ZNF136: variants seen among roughly 807,000 people sequenced by gnomAD.
ZNF136 encodes zinc finger protein 136 (clone pHZ-20).
Under a neutral mutation model 11.4 loss-of-function variants are expected in ZNF136, and 8 were observed. The ratio of observed to expected loss-of-function variants is 0.70; its 90% CI spans 0.41 to 1.27. The LOEUF (loss-of-function observed/expected upper bound fraction) is 1.27, where lower values mean the gene tolerates loss of function less well. ZNF136 is among the 50% of genes most tolerant of loss of function. The pLI is 0.01. For missense variants in ZNF136, 590 were observed against 656.5 expected (o/e 0.90, Z 1.11); for synonymous variants, 190 against 207.1 (o/e 0.92, Z 0.71).
At chr19:12,176,068 T>C (rs1272866970) in intron 1 of ZNF136, among the ~76,000 whole-genome samples, 3 of 152,222 alleles carry the variant, frequency 2.0e-5, no homozygotes, top group African/African-American at 7.2e-5. Context: ...TATCCATTTG[T>C]CTACTGTAAG....
intron 1 of ZNF136, among the ~76,000 whole-genome samples, chr19:12,175,116 A>G (rs1010585218): frequency 2.6e-5 from 4 of 151,906 alleles, no homozygotes; most frequent in Admixed American, 6.6e-5. Flanking sequence ...TTTGGTTTCT[A>G]TGGTCTGCCT....
intron 1 of ZNF136, among the ~76,000 whole-genome samples, chr19:12,168,316 T>C (rs1914542148): frequency 6.6e-6 from 1 of 151,818 alleles, no homozygotes; most frequent in Non-Finnish European, 1.5e-5. Context: ...TCAGGTGATC[T>C]GCCTACCTCA....
At chr19:12,170,809 AC>A (rs1462527116) in intron 1 of ZNF136, among the ~76,000 whole-genome samples, 1 of 151,312 alleles carries the variant, frequency 6.6e-6, no homozygotes, top group Non-Finnish European at 1.5e-5. Context: ...AGCTGGGATT[AC>A]AGTCACATGC....
At chr19:12,186,433 A>T in intron 3 of ZNF136, 137 bp from the exon 4 acceptor site, 2 of 842,606 alleles carry the variant, frequency 2.4e-6, no homozygotes, top group Non-Finnish European at 3.6e-6. Context: ...CAGAGCATTG[A>T]ATTCATTCAT....
chr19:12,174,013 C>T (rs964973323), intron 1 of ZNF136, among the ~76,000 whole-genome samples: 4 of 152,080 alleles, frequency 2.6e-5, no homozygotes, highest in Non-Finnish European at 4.4e-5. Flanking sequence ...TCAGGTGATT[C>T]TCCTGCCTCA....
chr19:12,172,962 A>C (rs2145631571), intron 1 of ZNF136, among the ~76,000 whole-genome samples: 1 of 152,196 alleles, frequency 6.6e-6, no homozygotes, highest in East Asian at 1.9e-4. Context: ...CAGTGAGCCG[A>C]GATTGCGTCA....
chr19:12,181,823 G>C (rs539267663), intron 1 of ZNF136, among the ~76,000 whole-genome samples: 1 of 152,276 alleles, frequency 6.6e-6, no homozygotes, highest in East Asian at 1.9e-4. Context: ...TTTTAGTAGA[G>C]ACAGGGTTTC....
intron 1 of ZNF136, among the ~76,000 whole-genome samples, chr19:12,180,944 G>A (rs575179175): frequency 1.3e-4 from 20 of 152,340 alleles, no homozygotes; most frequent in African/African-American, 4.1e-4. Flanking sequence ...CCACAGGGGC[G>A]GAGCCTGAAG....
intron 1 of ZNF136, among the ~76,000 whole-genome samples, chr19:12,173,694 A>G (rs572625566): frequency 3.9e-5 from 6 of 152,114 alleles, no homozygotes; most frequent in Non-Finnish European, 8.8e-5. Flanking sequence ...AATTGAGCCA[A>G]AAAAGGGTGT....
intron 1 of ZNF136, among the ~76,000 whole-genome samples, chr19:12,178,576 A>G (rs143933253): frequency 8.7e-4 from 132 of 152,378 alleles, no homozygotes; most frequent in African/African-American, 3.0e-3. Flanking sequence ...AACAGCATGT[A>G]TGCTAACAAA....
In ZNF136 at chr19:12,187,483, T is replaced by G. The variant is rs1266887431; in HGVS notation, c.1105T>G (p.Cys369Gly). The change falls in exon 4 of 4, where the codon TGT (cysteine) becomes GGT (glycine). Residue 369 changes from cysteine (C) to glycine (G), a missense_variant. By Grantham distance (159) the Cys-to-Gly change is radical. Transcript: ENST00000343979. ...TGEKPYECKECGEAFSCIPSM... is the reference protein window; with the variant it reads ...TGEKPYECKEGGEAFSCIPSM... ...AGAAAAACCTTATGAATGTAAGGAA[T>G]GTGGGGAAGCATTCAGTTGTATCCC... 13 of 1,613,668 alleles carry G rather than the reference T, an allele frequency of 8.1e-6. No homozygotes were observed. The highest frequency in any genetic ancestry group is 1.1e-5 in the Non-Finnish European group (13 of 1,179,952).
chr19:12,167,545 G>A (rs888056356), intron 1 of ZNF136, among the ~76,000 whole-genome samples: 2 of 152,176 alleles, frequency 1.3e-5, no homozygotes, highest in Non-Finnish European at 2.9e-5. Context: ...AGGCAACATT[G>A]CCAGACTTTG....
At chr19:12,185,640 G>T (rs1376799062) in intron 1 of ZNF136, 145 bp from the exon 2 acceptor site, 2 of 997,382 alleles carry the variant, frequency 2.0e-6, no homozygotes, top group East Asian at 5.4e-5. Context: ...GAGTTGCTGT[G>T]TGGAAGGAAG....
chr19:12,171,133 C>A (rs1340203503), intron 1 of ZNF136, among the ~76,000 whole-genome samples: 2 of 152,024 alleles, frequency 1.3e-5, no homozygotes, highest in African/African-American at 2.4e-5. Flanking sequence ...CTGCGCCAGG[C>A]CCCACCCAGC....
chr19:12,177,185 T>A (rs1914817962), intron 1 of ZNF136, among the ~76,000 whole-genome samples: 1 of 152,220 alleles, frequency 6.6e-6, no homozygotes, highest in African/African-American at 2.4e-5. Flanking sequence ...CCCTTCCATT[T>A]CCAGTTTACT....
chr19:12,178,772 T>C (rs1192563522), intron 1 of ZNF136, among the ~76,000 whole-genome samples: 1 of 151,998 alleles, frequency 6.6e-6, no homozygotes, highest in Non-Finnish European at 1.5e-5. Context: ...GGGTGGATCA[T>C]GAGGTCAGGA....
chr19:12,163,499 C>A (rs981248134), intron 1 of ZNF136, among the ~76,000 whole-genome samples: 1 of 152,200 alleles, frequency 6.6e-6, no homozygotes, highest in Non-Finnish European at 1.5e-5. Context: ...TGGGGGAAAT[C>A]CTGACTTGTG....
chr19:12,163,358 C>T (rs1977138490), intron 1 of ZNF136, 152 bp downstream of exon 1: 2 of 1,074,822 alleles, frequency 1.9e-6, no homozygotes, highest in Admixed American at 4.0e-5. Flanking sequence ...GTACCCTCGG[C>T]CTCAGGGTGG....
chr19:12,181,857 G>A (rs940656890), intron 1 of ZNF136, among the ~76,000 whole-genome samples: 37 of 152,058 alleles, frequency 2.4e-4, no homozygotes, highest in African/African-American at 7.2e-4. Context: ...GGATGGTTTC[G>A]ATCTCCTGAC....
Sources: gnomAD v4.1 joint callset for allele counts (sites outside exome capture counted in the v4.1 genomes callset) on GRCh38, gnomAD v4.1.1 for gene constraint, MANE v1.5 for transcripts, NCBI Gene and HGNC (gene_info 2026-07-23, HGNC 2026-07-21) for gene names.